The following STK32C variants were observed in gnomAD, a reference collection of about 807,000 sequenced individuals.
STK32C encodes serine/threonine kinase 32C.
Under a neutral mutation model 56.5 loss-of-function variants are expected in STK32C, and 31 were observed. That is an observed-to-expected ratio of 0.55 (90% CI 0.41 to 0.74). The LOEUF is 0.74. STK32C is among the 30% of genes least tolerant of loss of function. The pLI, the probability that STK32C is intolerant of heterozygous loss-of-function variation, is 0.00. For synonymous variants in STK32C, 309 were observed against 289.4 expected (o/e 1.07, Z -0.69); for missense variants, 544 against 676.9 (o/e 0.80, Z 2.18).
chr10:132,327,931 C>G (rs1382497179), intron 1 of STK32C, among the ~76,000 whole-genome samples: 1 of 152,082 alleles, frequency 6.6e-6, no homozygotes, highest in Non-Finnish European at 1.5e-5. Context: ...GGAGGGCTGT[C>G]CCTGAAGAGT....
chr10:132,318,046 G>C (rs1413913400), intron 1 of STK32C, among the ~76,000 whole-genome samples: 1 of 151,454 alleles, frequency 6.6e-6, no homozygotes, highest in Non-Finnish European at 1.5e-5. Flanking sequence ...AAGGAGGGTG[G>C]ATCACAAGGT....
At chr10:132,332,030 G>T (rs2066791257), upstream of STK32C, 1 of 331,156 alleles carries the variant, frequency 3.0e-6, no homozygotes, top group East Asian at 5.3e-5. Context: ...CCCACACCCC[G>T]CCCCCGCACG....
At chr10:132,287,204 A>G (rs2065430862) in intron 1 of STK32C, among the ~76,000 whole-genome samples, 1 of 152,128 alleles carries the variant, frequency 6.6e-6, no homozygotes, top group Admixed American at 6.5e-5. Context: ...TTAAAAAATC[A>G]ATTTTTGGCC....
intron 2 of STK32C, among the ~76,000 whole-genome samples, chr10:132,243,425 G>C (rs1384987361): frequency 6.6e-6 from 1 of 152,112 alleles, no homozygotes; most frequent in South Asian, 2.1e-4. Context: ...GTCTATGCCG[G>C]GTAAGGGGGC....
chr10:132,223,602 G>A (rs6560686), intron 8 of STK32C, among the ~76,000 whole-genome samples: 62,413 of 152,190 alleles, frequency 0.41, 13,882 homozygotes, highest in Admixed American at 0.52. Flanking sequence ...ACTGAGCTTC[G>A]TGGGGCTACA....
chr10:132,306,719 A>G (rs1300000087), intron 1 of STK32C, among the ~76,000 whole-genome samples: 1 of 152,276 alleles, frequency 6.6e-6, no homozygotes, highest in African/African-American at 2.4e-5. Context: ...ATGTCAAAAA[A>G]CATGAAATGT....
chr10:132,245,826 G>A, intron 2 of STK32C, 74 bp downstream of exon 2: 1 of 1,467,670 alleles, frequency 6.8e-7, no homozygotes, highest in South Asian at 1.1e-5. Flanking sequence ...GGTGGGCTCA[G>A]GGGACAGCAT....
At chr10:132,310,918 G>A (rs950923455), upstream of STK32C, among the ~76,000 whole-genome samples, 1 of 152,192 alleles carries the variant, frequency 6.6e-6, no homozygotes, top group Non-Finnish European at 1.5e-5. The surrounding 1 kb of genome is among the most constrained non-coding windows in gnomAD (Gnocchi z 4.6). Flanking sequence ...TCCAACAGCA[G>A]GAGCTGGCCC....
intron 1 of STK32C, chr10:132,330,516 A>C (rs1379184045): frequency 7.0e-6 from 5 of 716,626 alleles, no homozygotes; most frequent in Admixed American, 2.0e-5. Context: ...TATGTACGAA[A>C]ACTTTTTTTT....
chr10:132,291,628 A>G (rs1345299036), intron 1 of STK32C, among the ~76,000 whole-genome samples: 1 of 152,162 alleles, frequency 6.6e-6, no homozygotes. Context: ...ACCAGGTACC[A>G]TCCTTCACGC....
intron 1 of STK32C, among the ~76,000 whole-genome samples, chr10:132,272,161 A>AGATG: frequency 1.3e-5 from 2 of 152,310 alleles, no homozygotes; most frequent in South Asian, 4.1e-4. Context: ...GAGATCTTCA[A>AGATG]AGAGTTGGTT....
At chr10:132,257,677 C>T (rs1392177530) in intron 1 of STK32C, among the ~76,000 whole-genome samples, 1 of 151,808 alleles carries the variant, frequency 6.6e-6, no homozygotes, top group Non-Finnish European at 1.5e-5. Context: ...GGGGCGCCCA[C>T]TGTGAGCCAA....
chr10:132,226,781 T>C lies in STK32C; in HGVS notation c.644+14A>G. 1 of 1,608,880 alleles carries C rather than the reference T, an allele frequency of 6.2e-7. No homozygotes were observed. Among genetic ancestry groups the C allele is most frequent in the East Asian group, 2.2e-5 (1 of 44,804 alleles). ...CACCTCAGCAGGTACCTGCGCCGTC[T>C]GCCACGCACACACCTGTGGATGATG... On this transcript the variant is annotated intron_variant, in intron 4 of 11. Transcript: ENST00000298630.
chr10:132,256,309 G>C (rs373446625), intron 1 of STK32C, among the ~76,000 whole-genome samples: 5 of 152,196 alleles, frequency 3.3e-5, no homozygotes, highest in African/African-American at 1.2e-4. Flanking sequence ...CAGCATTCTT[G>C]CCATCTCCCT....
intron 10 of STK32C, among the ~76,000 whole-genome samples, chr10:132,219,905 A>G (rs1224615059): frequency 6.6e-6 from 1 of 152,154 alleles, no homozygotes; most frequent in Non-Finnish European, 1.5e-5. Context: ...AGAGTTTCCC[A>G]GGACATCCAC....
At chr10:132,209,345 T>C in intron 10 of STK32C, 1 of 706,554 alleles carries the variant, frequency 1.4e-6, no homozygotes, top group Non-Finnish European at 2.6e-6. Context: ...GGTGGATGGC[T>C]TGGACTTGCT....
chr10:132,251,354 C>T (rs1005143550), intron 1 of STK32C, among the ~76,000 whole-genome samples: 7 of 152,186 alleles, frequency 4.6e-5, no homozygotes, highest in Admixed American at 6.5e-5. Flanking sequence ...CCCTGGTCAC[C>T]GAGGAAGCCG....
chr10:132,236,105 A>C (rs2063281505), intron 2 of STK32C, among the ~76,000 whole-genome samples: 1 of 152,036 alleles, frequency 6.6e-6, no homozygotes, highest in South Asian at 2.1e-4. Flanking sequence ...CATCTTCTAA[A>C]AACTAGAAAA....
intron 1 of STK32C, among the ~76,000 whole-genome samples, chr10:132,280,585 CCT>C (rs985452744): frequency 4.2e-5 from 5 of 120,356 alleles, no homozygotes; most frequent in African/African-American, 6.4e-5. Context: ...GCCCCTGCAC[CCT>C]GTGATCACGC....
Sources: allele counts gnomAD v4.1 joint callset (sites outside exome capture counted in the v4.1 genomes callset), GRCh38; gene constraint gnomAD v4.1.1; non-coding constraint Gnocchi (gnomAD v3.1); transcripts MANE v1.5; gene names NCBI Gene and HGNC (gene_info 2026-07-23, HGNC 2026-07-21).